Variants in FGF14 observed in about 807,000 individuals in gnomAD.
The protein encoded by FGF14 is fibroblast growth factor homologous factor 4.
In FGF14, 5 loss-of-function variants were observed where a neutral mutation model predicts 25.5. That is an observed-to-expected ratio of 0.20 (90% CI 0.10 to 0.41). The LOEUF (loss-of-function observed/expected upper bound fraction) is 0.41, where lower values mean the gene tolerates loss of function less well. Ranked by LOEUF, FGF14 falls within the 10% of genes least tolerant of loss-of-function variation. FGF14 has a pLI of 1.00. For missense variants in FGF14, 222 were observed against 320.1 expected (o/e 0.69, Z 2.34); for synonymous variants, 138 against 118.3 (o/e 1.17, Z -1.08).
rs532386896 is a variant in FGF14 at position 102,312,518 on chromosome 13, G to A, written c.208+88953C>T. 2.0e-5 allele frequency among the ~76,000 whole-genome samples: 3 copies of A among 152,202 alleles called. No homozygotes were observed. In the East Asian group the frequency reaches 5.8e-4, roughly 29 times the overall value. On this transcript the variant is annotated intron_variant, in intron 1 of 4. Transcript: ENST00000376131. ...CTTGGGCCAAGGGTTTAAAATGTCT[G>A]TATGTTTTATAAAAAATCAAATCCA...
At chr13:102,271,729 A>G (rs1176157392) in intron 1 of FGF14, among the ~76,000 whole-genome samples, 1 of 152,196 alleles carries the variant, frequency 6.6e-6, no homozygotes, top group Non-Finnish European at 1.5e-5. Context: ...AATCGCTATC[A>G]TCGAGCACTT....
chr13:102,127,973 G>T (rs55875507), intron 1 of FGF14, among the ~76,000 whole-genome samples: 1 of 152,010 alleles, frequency 6.6e-6, no homozygotes, highest in Admixed American at 6.5e-5. Flanking sequence ...TCCCCATCTC[G>T]CAGCGGTGGG....
chr13:102,037,643 G>T (rs1466671250), intron 1 of FGF14, among the ~76,000 whole-genome samples: 1 of 152,102 alleles, frequency 6.6e-6, no homozygotes, highest in Non-Finnish European at 1.5e-5. Flanking sequence ...TACCTAGTGG[G>T]TACCTGGTTC....
intron 1 of FGF14, among the ~76,000 whole-genome samples, chr13:102,118,906 T>C (rs1027424407): frequency 1.3e-5 from 2 of 152,152 alleles, no homozygotes; most frequent in Non-Finnish European, 2.9e-5. Flanking sequence ...CAAATGACAA[T>C]GATTATGCCT....
At chr13:102,007,860 C>A (rs953710569) in intron 1 of FGF14, among the ~76,000 whole-genome samples, 4 of 152,074 alleles carry the variant, frequency 2.6e-5, no homozygotes, top group Non-Finnish European at 5.9e-5. Context: ...AGTACCAAGG[C>A]ATTTTGTTAT....
chr13:102,257,375 G>A (rs1305959203), intron 1 of FGF14, among the ~76,000 whole-genome samples: 2 of 51,884 alleles, frequency 3.9e-5, no homozygotes, highest in African/African-American at 1.5e-4. Context: ...TTTTCGAGAC[G>A]GAGTTTCACT....
At chr13:101,735,997 C>A (rs964913867) in intron 3 of FGF14, among the ~76,000 whole-genome samples, 3 of 152,164 alleles carry the variant, frequency 2.0e-5, no homozygotes, top group Non-Finnish European at 4.4e-5. Context: ...ATAATGTCAA[C>A]AGAGAACAAA....
chr13:101,856,265 T>C (rs574788064), intron 3 of FGF14, among the ~76,000 whole-genome samples: 3 of 151,890 alleles, frequency 2.0e-5, no homozygotes, highest in Non-Finnish European at 2.9e-5. Flanking sequence ...TAAAAGTTGA[T>C]TTCTGTTATT....
At chr13:102,254,531 G>T (rs1240900579) in intron 1 of FGF14, among the ~76,000 whole-genome samples, 1 of 152,120 alleles carries the variant, frequency 6.6e-6, no homozygotes, top group Non-Finnish European at 1.5e-5. Flanking sequence ...GAATTCTGAT[G>T]GCCAGAAGCC....
intron 3 of FGF14, among the ~76,000 whole-genome samples, chr13:101,753,245 A>G (rs898090273): frequency 6.6e-6 from 1 of 152,094 alleles, no homozygotes; most frequent in South Asian, 2.1e-4. Context: ...GTAATACCAC[A>G]TTCCATATAT....
intron 1 of FGF14, among the ~76,000 whole-genome samples, chr13:101,938,537 A>G (rs1188434847): frequency 2.0e-5 from 3 of 152,246 alleles, no homozygotes; most frequent in African/African-American, 4.8e-5. Context: ...TTGTCCCAAT[A>G]AAATCCATGC....
intron 3 of FGF14, among the ~76,000 whole-genome samples, chr13:101,798,525 A>T (rs1031780313): frequency 6.6e-6 from 1 of 152,110 alleles, no homozygotes; most frequent in Non-Finnish European, 1.5e-5. Context: ...AAAATATCTA[A>T]ACTGAATAGC....
intron 3 of FGF14, among the ~76,000 whole-genome samples, chr13:101,780,405 C>G (rs1437266886): frequency 6.6e-6 from 1 of 152,140 alleles, no homozygotes; most frequent in Non-Finnish European, 1.5e-5. Context: ...ACCATATGCT[C>G]TAACTTTTTT....
At chr13:101,917,485 T>A (rs2139137708), upstream of FGF14, among the ~76,000 whole-genome samples, 1 of 152,138 alleles carries the variant, frequency 6.6e-6, no homozygotes, top group African/African-American at 2.4e-5. Flanking sequence ...TAGATGCAAC[T>A]CGCTGGTTCC....
At chr13:101,731,338 C>T (rs771617656) in intron 3 of FGF14, among the ~76,000 whole-genome samples, 4 of 152,148 alleles carry the variant, frequency 2.6e-5, no homozygotes, top group Non-Finnish European at 5.9e-5. Context: ...CTTTTTCTCA[C>T]CTTGCCTCCT....
intron 1 of FGF14, among the ~76,000 whole-genome samples, chr13:102,280,064 T>A (rs565433282): frequency 6.6e-6 from 1 of 152,352 alleles, no homozygotes; most frequent in East Asian, 1.9e-4. Context: ...ATTACAAATA[T>A]CATTTAAGTA....
intron 3 of FGF14, among the ~76,000 whole-genome samples, chr13:101,836,016 A>C (rs2042910218): frequency 6.6e-6 from 1 of 152,028 alleles, no homozygotes; most frequent in African/African-American, 2.4e-5. Flanking sequence ...CCAGATGCAG[A>C]ATCCATAATA....
At chr13:101,846,734 C>T (rs1342633953) in intron 3 of FGF14, among the ~76,000 whole-genome samples, 1 of 151,958 alleles carries the variant, frequency 6.6e-6, no homozygotes, top group African/African-American at 2.4e-5. Context: ...TGTTTTTAGT[C>T]CTGGCCAAGT....
chr13:101,785,931 G>A (rs541909235), intron 3 of FGF14, among the ~76,000 whole-genome samples: 1 of 152,276 alleles, frequency 6.6e-6, no homozygotes, highest in South Asian at 2.1e-4. Flanking sequence ...AAGTTTCATT[G>A]TCACCTGCCA....
Sources: allele counts gnomAD v4.1 joint callset (sites outside exome capture counted in the v4.1 genomes callset), GRCh38; gene constraint gnomAD v4.1.1; transcripts MANE v1.5; gene names NCBI Gene and HGNC (gene_info 2026-07-23, HGNC 2026-07-21).